NPAS3: variants seen among roughly 807,000 people sequenced by gnomAD.
The protein encoded by NPAS3 is neuronal PAS domain-containing protein 3.
Under a neutral mutation model 73.1 loss-of-function variants are expected in NPAS3, and 14 were observed. The ratio of observed to expected loss-of-function variants is 0.19; its 90% confidence interval spans 0.13 to 0.30. The LOEUF is 0.30. NPAS3 is among the 10% of genes least tolerant of loss of function. The pLI is 1.00. For synonymous variants in NPAS3, 620 were observed against 541.5 expected (o/e 1.14, Z -2.01); for missense variants, 1,096 against 1,250.0 (o/e 0.88, Z 1.86).
At chr14:33,333,574 ACT>A (rs1026409609) in intron 3 of NPAS3, among the ~76,000 whole-genome samples, 27 of 129,190 alleles carry the variant, frequency 2.1e-4, no homozygotes, top group African/African-American at 6.5e-4. Context: ...GAAAACTGAG[ACT>A]CATACCCAGA....
intron 3 of NPAS3, among the ~76,000 whole-genome samples, chr14:33,301,430 C>A (rs76937300): frequency 0.04 from 6,073 of 150,510 alleles, 141 homozygotes; most frequent in Non-Finnish European, 0.061. Flanking sequence ...GAAAAAGTTA[C>A]TTGTTTGTGG....
intron 2 of NPAS3, among the ~76,000 whole-genome samples, chr14:33,166,392 C>A (rs945487804): frequency 1.3e-5 from 2 of 152,114 alleles, no homozygotes; most frequent in Non-Finnish European, 2.9e-5. Flanking sequence ...AGTATCTCTT[C>A]CCTTTGTATG....
intron 7 of NPAS3, among the ~76,000 whole-genome samples, chr14:33,754,107 A>C (rs1337757504): frequency 6.6e-6 from 1 of 152,172 alleles, no homozygotes; most frequent in East Asian, 1.9e-4. Flanking sequence ...CCGCGACCCC[A>C]CTGGGGTGGC....
chr14:33,394,825 C>T (rs770753191), intron 4 of NPAS3, among the ~76,000 whole-genome samples: 4 of 152,068 alleles, frequency 2.6e-5, no homozygotes, highest in Non-Finnish European at 4.4e-5. Flanking sequence ...AGTGCATTTG[C>T]CTTGCATATT....
At chr14:33,571,597 A>G (rs964886370) in intron 5 of NPAS3, among the ~76,000 whole-genome samples, 5 of 152,212 alleles carry the variant, frequency 3.3e-5, no homozygotes, top group African/African-American at 7.2e-5. Context: ...CACATATGGC[A>G]GGCTGTCAAA....
chr14:33,002,737 T>C (rs2038853673), intron 1 of NPAS3, among the ~76,000 whole-genome samples: 1 of 152,210 alleles, frequency 6.6e-6, no homozygotes, highest in South Asian at 2.1e-4. Flanking sequence ...GAATGAATGA[T>C]GATTTGAATG....
chr14:33,369,404 C>CA (rs3058296), intron 4 of NPAS3, among the ~76,000 whole-genome samples: 87 of 90,912 alleles, frequency 9.6e-4, no homozygotes, highest in East Asian at 1.6e-3. Flanking sequence ...GCCTCATTTC[C>CA]AAAAAAAAAA....
At chr14:33,034,463 A>C (rs1032378114) in intron 1 of NPAS3, among the ~76,000 whole-genome samples, 1 of 151,558 alleles carries the variant, frequency 6.6e-6, no homozygotes, top group Admixed American at 6.6e-5. Flanking sequence ...ATATTCTTCA[A>C]AGTTAGAATT....
chr14:33,313,619 T>C (rs1414843132), intron 3 of NPAS3, among the ~76,000 whole-genome samples: 1 of 152,120 alleles, frequency 6.6e-6, no homozygotes. Flanking sequence ...CATCAGTAGC[T>C]GTGACAGCAA....
chr14:33,177,068 CTTTTTATTATTA>C (rs937457919), intron 2 of NPAS3, among the ~76,000 whole-genome samples: 6 of 70,720 alleles, frequency 8.5e-5, no homozygotes, highest in African/African-American at 2.8e-4. Flanking sequence ...GGCTGTTTAT[CTTTTTATTATTA>C]TTATTATTAT....
At chr14:33,629,673 C>T (rs150390178) in intron 5 of NPAS3, among the ~76,000 whole-genome samples, 1 of 151,910 alleles carries the variant, frequency 6.6e-6, no homozygotes, top group East Asian at 1.9e-4. Context: ...CCTTACTTCT[C>T]CTTGTCCCAA....
chr14:33,745,131 C>T (rs1231719318), intron 7 of NPAS3, among the ~76,000 whole-genome samples: 1 of 152,094 alleles, frequency 6.6e-6, no homozygotes, highest in Non-Finnish European at 1.5e-5. Context: ...CTCCTATAGT[C>T]CTAGCTACTT....
At chr14:33,607,828 CG>C (rs999026864) in intron 5 of NPAS3, among the ~76,000 whole-genome samples, 4 of 152,110 alleles carry the variant, frequency 2.6e-5, no homozygotes, top group Admixed American at 2.0e-4. Context: ...AGAATCATGG[CG>C]GAAGGGGAAG....
At chr14:33,212,497 G>A (rs930707050) in intron 2 of NPAS3, among the ~76,000 whole-genome samples, 1 of 152,098 alleles carries the variant, frequency 6.6e-6, no homozygotes, top group African/African-American at 2.4e-5. Context: ...TCTGACCAGT[G>A]CTATTTTAGA....
intron 3 of NPAS3, among the ~76,000 whole-genome samples, chr14:33,314,491 C>T (rs1245186817): frequency 6.6e-6 from 1 of 151,896 alleles, no homozygotes; most frequent in Non-Finnish European, 1.5e-5. Flanking sequence ...ATATGAAGGA[C>T]CTGACACATG....
rs576037399 is a variant in NPAS3, at chr14:33,800,382, C to T, written c.2075C>T (p.Pro692Leu). The change falls in exon 12 of 12, where the codon CCG becomes CTG. Residue 692 changes from proline (P) to leucine (L), a missense_variant. Transcript: ENST00000356141. The surrounding 1 kb of genome is among the most constrained non-coding windows in gnomAD (Gnocchi z 6.5). ...AAGCCCCCCAGCTCTGAGCACTTCC[C>T]GTCCCCGCAGGGCGGCGGCGGTGGG... 1.6e-5 allele frequency: 25 copies of T among 1,607,366 alleles called. No individual in the cohort carries two copies. Among genetic ancestry groups the T allele is most frequent in the South Asian group, 6.6e-5 (6 of 90,494 alleles).
intron 5 of NPAS3, among the ~76,000 whole-genome samples, chr14:33,616,499 T>G (rs2057923465): frequency 6.6e-6 from 1 of 152,176 alleles, no homozygotes; most frequent in Non-Finnish European, 1.5e-5. Flanking sequence ...TCTCGGCAGC[T>G]GTCAGACTCT....
intron 3 of NPAS3, among the ~76,000 whole-genome samples, chr14:33,282,106 ATTTG>A (rs1387352836): frequency 6.6e-6 from 1 of 152,220 alleles, no homozygotes; most frequent in Non-Finnish European, 1.5e-5. Flanking sequence ...AAGCCAGTCT[ATTTG>A]TTTGACTATA....
Position 33,077,774 on chromosome 14 carries a change from G to GTTTTTTTTTTTTTTTTTTTT in NPAS3, c.140+21795_140+21796insTTTTTTTTTTTTTTTTTTTT, listed in dbSNP as rs3057435. 1.1e-4 allele frequency among the ~76,000 whole-genome samples: 10 copies of GTTTTTTTTTTTTTTTTTTTT among 87,488 alleles called. 1 individual carries two copies. The highest frequency in any genetic ancestry group is 1.6e-4 in the Non-Finnish European group (7 of 43,804). The allele number at this position is 87,488 out of a possible 152,430, so 57.4% of individuals were successfully genotyped here. A position where few individuals can be genotyped will look rare whatever the true frequency, so the allele number is the denominator to read the frequency against. On this transcript the variant is annotated intron_variant, in intron 2 of 11. Transcript: ENST00000356141. ...CTTTGCTCAAAACATTGCAGTAAGG[G>GTTTTTTTTTTTTTTTTTTTT]TTTTTTTTTTTTTTTGCCCCTTTTG...
Sources: allele counts gnomAD v4.1 joint callset (sites outside exome capture counted in the v4.1 genomes callset), GRCh38; gene constraint gnomAD v4.1.1; non-coding constraint Gnocchi (gnomAD v3.1); transcripts MANE v1.5; gene names NCBI Gene and HGNC (gene_info 2026-07-23, HGNC 2026-07-21).